The following MED12L variants were observed in gnomAD, a reference collection of about 807,000 sequenced individuals.
The protein encoded by MED12L is mediator complex subunit 12L.
Under a neutral mutation model 281.3 loss-of-function variants are expected in MED12L, and 60 were observed. That is an observed-to-expected ratio of 0.21 (90% CI 0.17 to 0.26). MED12L has a LOEUF of 0.26. Among genes scored for constraint, MED12L ranks in the 10% least tolerant of loss-of-function variants. The probability of loss-of-function intolerance (pLI) is 1.00; values close to 1 mark genes in which losing one functional copy is unlikely to be tolerated. For synonymous variants in MED12L, 974 were observed against 987.2 expected (o/e 0.99, Z 0.25); for missense variants, 2,146 against 2,680.9 (o/e 0.80, Z 4.41).
chr3:151,187,473 C>T (rs1723435388), intron 12 of MED12L, among the ~76,000 whole-genome samples: 1 of 152,094 alleles, frequency 6.6e-6, no homozygotes, highest in Non-Finnish European at 1.5e-5. Context: ...TGTTAAACAT[C>T]ACCATCTTTA....
chr3:151,411,886 G>A (rs1447263204), intron 41 of MED12L, among the ~76,000 whole-genome samples: 1 of 152,150 alleles, frequency 6.6e-6, no homozygotes, highest in Non-Finnish European at 1.5e-5. Context: ...TTTGTTGATT[G>A]GAGCAATAAA....
chr3:151,114,248 C>T (rs531272922), intron 2 of MED12L, among the ~76,000 whole-genome samples: 2 of 152,246 alleles, frequency 1.3e-5, no homozygotes, highest in East Asian at 1.9e-4. Context: ...ATATTCTGTG[C>T]GGATCACGAT....
intron 30 of MED12L, among the ~76,000 whole-genome samples, chr3:151,377,446 C>T (rs992827831): frequency 2.0e-5 from 3 of 152,094 alleles, no homozygotes; most frequent in African/African-American, 7.2e-5. Flanking sequence ...TACTGTGTTA[C>T]GTAGTATTCA....
chr3:151,285,174 AC>A (rs575991801), intron 16 of MED12L, among the ~76,000 whole-genome samples: 160 of 152,318 alleles, frequency 1.1e-3, no homozygotes, highest in African/African-American at 3.4e-3. Context: ...CTATGAGGAT[AC>A]AAAGGCATAA....
In MED12L at chr3:151,247,962, C is replaced by CTTTTTTTTTT. The variant is rs61102632; in HGVS notation, c.2250+54310_2250+54319dup. 1.2e-3 allele frequency among the ~76,000 whole-genome samples: 93 copies of CTTTTTTTTTT among 75,888 alleles called. 2 individuals carry two copies. The highest frequency in any genetic ancestry group is 1.5e-3 in the Non-Finnish European group (62 of 40,696). 49.8% of individuals were successfully genotyped at this position (75,888 alleles called of 152,430 possible). A position where few individuals can be genotyped will look rare whatever the true frequency, so the allele number is the denominator to read the frequency against. On this transcript the variant is annotated intron_variant, in intron 16 of 44. Transcript: ENST00000687756. ...GTTTACTTTCTTTCTTCTTCTTCTTCTTTTTTTTTTTTTTTTTTTTTTTGC... is the reference window on the plus strand; with the variant it reads ...GTTTACTTTCTTTCTTCTTCTTCTTCTTTTTTTTTTTTTTTTTTTTTTTTTTTTTTTTTGC...
At chr3:151,175,717 G>T (rs1313819934) in intron 11 of MED12L, among the ~76,000 whole-genome samples, 1 of 152,136 alleles carries the variant, frequency 6.6e-6, no homozygotes, top group South Asian at 2.1e-4. Flanking sequence ...ACTGAATTAC[G>T]GAATTAGGCC....
chr3:151,250,727 G>A (rs6809692), intron 16 of MED12L, among the ~76,000 whole-genome samples: 71,994 of 152,046 alleles, frequency 0.47, 17,400 homozygotes, highest in Middle Eastern at 0.61. Flanking sequence ...TGCTATGAAA[G>A]TGGGTATACA....
chr3:151,355,630 A>G (rs1374948906), intron 18 of MED12L, among the ~76,000 whole-genome samples: 4 of 152,360 alleles, frequency 2.6e-5, no homozygotes, highest in African/African-American at 9.6e-5. Context: ...GGTTGTGTCT[A>G]AAAATTAATA....
At chr3:151,338,759 T>G in intron 16 of MED12L, 4 of 1,613,518 alleles carry the variant, frequency 2.5e-6, no homozygotes, top group Middle Eastern at 1.7e-4. Flanking sequence ...TGTAGAGCAG[T>G]GGGAAGAGGA....
At chr3:151,295,290 A>G (rs760623059) in intron 16 of MED12L, 4 of 834,122 alleles carry the variant, frequency 4.8e-6, no homozygotes, top group East Asian at 2.4e-5. Flanking sequence ...TACAGACCCA[A>G]CTTTTTGTTA....
chr3:151,115,957 G>A (rs1712710365), intron 2 of MED12L, among the ~76,000 whole-genome samples: 1 of 151,318 alleles, frequency 6.6e-6, no homozygotes, highest in Non-Finnish European at 1.5e-5. Flanking sequence ...AGCTACTCGG[G>A]AGGCTGAGGA....
intron 16 of MED12L, among the ~76,000 whole-genome samples, chr3:151,276,371 A>T (rs1324003793): frequency 6.6e-6 from 1 of 152,224 alleles, no homozygotes; most frequent in African/African-American, 2.4e-5. Flanking sequence ...ATAATTTTCA[A>T]TTAAAGGAAA....
intron 16 of MED12L, among the ~76,000 whole-genome samples, chr3:151,323,123 A>G (rs908648253): frequency 6.6e-6 from 1 of 152,174 alleles, no homozygotes; most frequent in Non-Finnish European, 1.5e-5. Flanking sequence ...TATATTTTAC[A>G]TGTTAACCAC....
intron 18 of MED12L, 86 bp downstream of exon 18, chr3:151,355,325 T>A: frequency 1.2e-6 from 1 of 817,444 alleles, no homozygotes; most frequent in Non-Finnish European, 2.0e-6. Flanking sequence ...TTCTCAACCT[T>A]AATGGTTTTA....
At position 151,247,962 on chromosome 3, in the gene MED12L, C is replaced by CTTTTTTTTTTT. The variant is rs61102632; in HGVS notation, c.2250+54309_2250+54319dup. 2.0e-3 allele frequency among the ~76,000 whole-genome samples: 152 copies of CTTTTTTTTTTT among 75,884 alleles called. 1 individual carries two copies. Among genetic ancestry groups the CTTTTTTTTTTT allele is most frequent in the Non-Finnish European group, 2.5e-3 (103 of 40,690 alleles). 49.8% of individuals were successfully genotyped at this position (75,884 alleles called of 152,430 possible). A position where few individuals can be genotyped will look rare whatever the true frequency, so the allele number is the denominator to read the frequency against. ...GTTTACTTTCTTTCTTCTTCTTCTT[C>CTTTTTTTTTTT]TTTTTTTTTTTTTTTTTTTTTTTGC... is the stretch of plus-strand genomic sequence containing the variant. On this transcript the variant is annotated intron_variant, in intron 16 of 44. Coordinates refer to ENST00000687756, the MANE Select transcript of MED12L (RefSeq NM_001393769.1).
At chr3:151,103,442 A>C (rs1721631850) in intron 2 of MED12L, among the ~76,000 whole-genome samples, 1 of 152,234 alleles carries the variant, frequency 6.6e-6, no homozygotes, top group African/African-American at 2.4e-5. Flanking sequence ...TCTCACTAGG[A>C]CACTTCTGGG....
chr3:151,279,327 A>G (rs1742427336), intron 16 of MED12L, among the ~76,000 whole-genome samples: 1 of 152,246 alleles, frequency 6.6e-6, no homozygotes, highest in African/African-American at 2.4e-5. Context: ...TAACTGGCTT[A>G]TGACATGCCC....
intron 43 of MED12L, among the ~76,000 whole-genome samples, chr3:151,426,254 C>G (rs905127723): frequency 2.6e-5 from 4 of 152,176 alleles, no homozygotes; most frequent in African/African-American, 9.7e-5. Context: ...TTCAGGAAGT[C>G]TAGAGAGGAG....
rs149981224 is a variant in MED12L at position 151,184,315 on chromosome 3, T to C, written c.1495-1015T>C. 9.8e-5 allele frequency among the ~76,000 whole-genome samples: 15 copies of C among 152,376 alleles called. No homozygotes were observed. The East Asian group carries it at 2.9e-3, about 29-fold the overall frequency. ...ACTGCACAGACATTCCGAAATGTGC[T>C]AAGTTCATGCATGTATGTATGTATG... On this transcript the variant is annotated intron_variant, in intron 11 of 44. Coordinates refer to ENST00000687756, the MANE Select transcript of MED12L (RefSeq NM_001393769.1).
Sources: gnomAD v4.1 joint callset for allele counts (sites outside exome capture counted in the v4.1 genomes callset) on GRCh38, gnomAD v4.1.1 for gene constraint, MANE v1.5 for transcripts, NCBI Gene and HGNC (gene_info 2026-07-23, HGNC 2026-07-21) for gene names.